CSNK1D: variants seen among roughly 807,000 people sequenced by gnomAD.
The protein encoded by CSNK1D is casein kinase 1 delta.
CSNK1D carries 16 observed loss-of-function variants against 46.6 expected under a neutral mutation model. The observed-to-expected ratio is 0.34, with a 90% CI of 0.23 to 0.52. The LOEUF (loss-of-function observed/expected upper bound fraction) is 0.52, where lower values mean the gene tolerates loss of function less well. Ranked by LOEUF, CSNK1D falls within the 20% of genes least tolerant of loss-of-function variation. CSNK1D has a pLI of 0.95. For synonymous variants in CSNK1D, 276 were observed against 228.2 expected, an observed-to-expected ratio of 1.21 and a Z score of -1.89; for missense variants, 398 against 578.4, an observed-to-expected ratio of 0.69 and a Z score of 3.20.
intron 8 of CSNK1D, chr17:82,246,481 G>A: frequency 9.1e-7 from 1 of 1,100,112 alleles, no homozygotes; most frequent in Non-Finnish European, 1.1e-6. Flanking sequence ...GGAATGACAA[G>A]GCCTTCTTCT....
In CSNK1D at chr17:82,255,717, G is replaced by C; in HGVS notation, c.188-140C>G. 3 of 1,054,368 alleles carry C rather than the reference G, an allele frequency of 2.8e-6. No homozygotes were observed. The South Asian group carries it at 3.9e-5, about 14-fold the overall frequency. The allele number at this position is 1,054,368 out of a possible 1,614,324, so 65.3% of individuals were successfully genotyped here. A position where few individuals can be genotyped will look rare whatever the true frequency, so the allele number is the denominator to read the frequency against. The stretch of plus-strand genomic sequence containing the variant: ...GGTGGAGGTAGAAGACCCCGGCAAC[G>C]CCGCTCCTCAGGGACCCATCCTCGA... On this transcript the variant is annotated intron_variant, in intron 2 of 8. Transcript: ENST00000314028. The surrounding 1 kb of genome is among the most constrained non-coding windows in gnomAD (Gnocchi z 5.9).
rs991086603 is a variant in CSNK1D at position 82,255,695 on chromosome 17, G to A, written c.188-118C>T. The A allele has an allele frequency of 3.1e-6, 4 of 1,303,226 alleles. No individual in the cohort carries two copies. The highest frequency in any genetic ancestry group is 4.4e-6 in the Non-Finnish European group (4 of 907,632). The allele number at this position is 1,303,226 out of a possible 1,614,324, so 80.7% of individuals were successfully genotyped here. The stretch of plus-strand genomic sequence containing the variant: ...CAATCCTGAACGGGGGAGGGGTGGT[G>A]GAGGTAGAAGACCCCGGCAACGCCG... On this transcript the variant is annotated intron_variant, in intron 2 of 8. Coordinates refer to ENST00000314028, the MANE Select transcript of CSNK1D (RefSeq NM_001893.6). The surrounding 1 kb of genome is among the most constrained non-coding windows in gnomAD (Gnocchi z 5.9).
downstream of CSNK1D, among the ~76,000 whole-genome samples, chr17:82,241,989 C>T (rs2050747050): frequency 6.6e-6 from 1 of 151,914 alleles, no homozygotes; most frequent in South Asian, 2.1e-4. Flanking sequence ...CAAAAATATC[C>T]TCCTCTTAGG....
In CSNK1D at chr17:82,252,992, G is replaced by A. The variant is rs1394779339; in HGVS notation, c.565+24C>T. 1 of 1,606,770 alleles carries A rather than the reference G, an allele frequency of 6.2e-7. No individual in the cohort carries two copies. Among genetic ancestry groups the A allele is most frequent in the Non-Finnish European group, 8.5e-7 (1 of 1,173,564 alleles). The stretch of plus-strand genomic sequence containing the variant: ...ACGCGCCCAAAGGCACCCCAGGTCA[G>A]TGACCCCATGCCCAGGGGCTCACCA... On this transcript the variant is annotated intron_variant, in intron 4 of 8. Coordinates refer to ENST00000314028, the MANE Select transcript of CSNK1D (RefSeq NM_001893.6). The surrounding 1 kb of genome is among the most constrained non-coding windows in gnomAD (Gnocchi z 4.6).
chr17:82,249,624 C>T lies in CSNK1D; in HGVS notation c.886-22G>A. The T allele has an allele frequency of 6.4e-7, 1 of 1,556,904 alleles. No homozygotes were observed. On this transcript the variant is annotated intron_variant, in intron 6 of 8. Coordinates refer to ENST00000314028, the MANE Select transcript of CSNK1D (RefSeq NM_001893.6). The surrounding 1 kb of genome is among the most constrained non-coding windows in gnomAD (Gnocchi z 6.7). The stretch of plus-strand genomic sequence containing the variant: ...CACCCTGAGGAGGCAGGAGGTGAGG[C>T]CGGAATGGAACCAGCTTTGGCAGAA...
chr17:82,267,519 G>A (rs189955935), intron 1 of CSNK1D, among the ~76,000 whole-genome samples: 2 of 152,186 alleles, frequency 1.3e-5, no homozygotes, highest in Non-Finnish European at 2.9e-5. Context: ...CCGGGTCACC[G>A]CCAGTGACCA....
chr17:82,262,931 G>A (rs2051377476), intron 2 of CSNK1D, among the ~76,000 whole-genome samples: 1 of 152,244 alleles, frequency 6.6e-6, no homozygotes, highest in Non-Finnish European at 1.5e-5. Context: ...TATAATCCCA[G>A]CACTTTGGGA....
In CSNK1D at chr17:82,265,207, C is replaced by T. The variant is rs567973686; in HGVS notation, c.187+479G>A. On this transcript the variant is annotated intron_variant, in intron 2 of 8. Transcript: ENST00000314028. ...TTTTTTTTTTTGGGGGGGACAGGGT[C>T]TCACTCTGTCGCCCAGGCTGGAGTG... 64 of 212,940 alleles carry T rather than the reference C, an allele frequency of 3.0e-4. No individual in the cohort carries two copies. The Admixed American group carries it at 3.0e-3, about 10-fold the overall frequency. The allele number at this position is 212,940 out of a possible 1,614,324, so 13.2% of individuals were successfully genotyped here.
chr17:82,249,907 T>C lies in CSNK1D; in HGVS notation c.886-305A>G. The C allele has an allele frequency of 1.5e-6, 2 of 1,350,416 alleles. No individual in the cohort carries two copies. Among genetic ancestry groups the C allele is most frequent in the Non-Finnish European group, 1.9e-6 (2 of 1,045,134 alleles). The allele number at this position is 1,350,416 out of a possible 1,614,324, so 83.7% of individuals were successfully genotyped here. A position where few individuals can be genotyped will look rare whatever the true frequency, so the allele number is the denominator to read the frequency against. ...GGGCAGCAGCTACCCCCTGCTGCTCTGTGAACATGCTCACTAACACGTGCA... is the reference window on the plus strand; with the variant it reads ...GGGCAGCAGCTACCCCCTGCTGCTCCGTGAACATGCTCACTAACACGTGCA... On this transcript the variant is annotated intron_variant, in intron 6 of 8. Transcript: ENST00000314028. The surrounding 1 kb of genome is among the most constrained non-coding windows in gnomAD (Gnocchi z 6.7).
At chr17:82,256,015 T>C (rs1170881759) in intron 2 of CSNK1D, among the ~76,000 whole-genome samples, 3 of 152,240 alleles carry the variant, frequency 2.0e-5, no homozygotes, top group Non-Finnish European at 4.4e-5. Context: ...GAAGAAAATA[T>C]GTTCAATTAC....
rs1335141545 is a variant in CSNK1D at position 82,251,245 on chromosome 17, C to T, written c.885+134G>A. ...ACCCACTCAGTCCAGGTCCTGCCCA[C>T]TACACACTTGCCCTTCACAACCAGA... On this transcript the variant is annotated intron_variant, in intron 6 of 8. Transcript: ENST00000314028. The surrounding 1 kb of genome is among the most constrained non-coding windows in gnomAD (Gnocchi z 4.5). The T allele has an allele frequency of 7.9e-5, 86 of 1,083,712 alleles. 2 individuals carry two copies. In the South Asian group the frequency reaches 1.1e-3, roughly 14 times the overall value. The allele number at this position is 1,083,712 out of a possible 1,614,324, so 67.1% of individuals were successfully genotyped here.
chr17:82,249,168 G>GGA lies in CSNK1D; in HGVS notation c.1058-156_1058-155dup. On this transcript the variant is annotated intron_variant, in intron 7 of 8. Transcript: ENST00000314028. This position sits in a 1 kb window ranked among gnomAD's most constrained non-coding sequence, Gnocchi z 6.7. ...TGGCCACCAACACTCAGATCCGGCC[G>GGA]GAGGGACACAAAGGGACATGGGAGC... is the stretch of plus-strand genomic sequence containing the variant. 1 of 989,836 alleles carries GGA rather than the reference G, an allele frequency of 1.0e-6. No homozygotes were observed. Among genetic ancestry groups the GGA allele is most frequent in the South Asian group, 1.6e-5 (1 of 61,428 alleles). The allele number at this position is 989,836 out of a possible 1,614,324, so 61.3% of individuals were successfully genotyped here. A position where few individuals can be genotyped will look rare whatever the true frequency, so the allele number is the denominator to read the frequency against.
At chr17:82,273,712 C>T, upstream of CSNK1D, 2 of 488,890 alleles carry the variant, frequency 4.1e-6, no homozygotes, top group Non-Finnish European at 3.6e-6. The surrounding 1 kb of genome is among the most constrained non-coding windows in gnomAD (Gnocchi z 5.1). Context: ...ACGTCACTTC[C>T]CCTAGCAACC....
In CSNK1D at chr17:82,255,401, G is replaced by A. The variant is rs889207780; in HGVS notation, c.336+28C>T. 2 of 1,613,680 alleles carry A rather than the reference G, an allele frequency of 1.2e-6. No homozygotes were observed. Among genetic ancestry groups the A allele is most frequent in the Non-Finnish European group, 1.7e-6 (2 of 1,179,602 alleles). The stretch of plus-strand genomic sequence containing the variant: ...GCTGATTCTATCAGACAGCAAGTGT[G>A]TGCCAACTGTCAGGAAACAGTCCTT... On this transcript the variant is annotated intron_variant, in intron 3 of 8. Transcript: ENST00000314028. This position sits in a 1 kb window ranked among gnomAD's most constrained non-coding sequence, Gnocchi z 5.9.
intron 1 of CSNK1D, among the ~76,000 whole-genome samples, chr17:82,270,924 G>A (rs1568589256): frequency 2.0e-5 from 3 of 152,304 alleles, no homozygotes; most frequent in Non-Finnish European, 4.4e-5. Context: ...GGCCTGGAGG[G>A]TAGAATGCTG....
At position 82,255,723 on chromosome 17, in the gene CSNK1D, C is replaced by T. The variant is rs2051159134; in HGVS notation, c.188-146G>A. 3.1e-6 allele frequency: 3 copies of T among 963,570 alleles called. No individual in the cohort carries two copies. The highest frequency in any genetic ancestry group is 2.5e-5 in the East Asian group (1 of 40,080). 59.7% of individuals were successfully genotyped at this position (963,570 alleles called of 1,614,324 possible). ...GGTAGAAGACCCCGGCAACGCCGCTCCTCAGGGACCCATCCTCGAGATTAG... is the reference window on the plus strand; with the variant it reads ...GGTAGAAGACCCCGGCAACGCCGCTTCTCAGGGACCCATCCTCGAGATTAG... On this transcript the variant is annotated intron_variant, in intron 2 of 8. Coordinates refer to ENST00000314028, the MANE Select transcript of CSNK1D (RefSeq NM_001893.6). The surrounding 1 kb of genome is among the most constrained non-coding windows in gnomAD (Gnocchi z 5.9).
chr17:82,263,761 C>A (rs1308621972), intron 2 of CSNK1D, among the ~76,000 whole-genome samples: 2 of 152,252 alleles, frequency 1.3e-5, no homozygotes, highest in Non-Finnish European at 2.9e-5. Flanking sequence ...GACCCCAGCA[C>A]CAGGCTCCCG....
At chr17:82,239,101 A>G, downstream of CSNK1D, 1 of 921,130 alleles carries the variant, frequency 1.1e-6, no homozygotes, top group Non-Finnish European at 1.6e-6. Flanking sequence ...GGCCCAGCGG[A>G]TCGTCGCCCG....
At position 82,249,356 on chromosome 17, in the gene CSNK1D, G is replaced by C. The variant is rs2050936304; in HGVS notation, c.1057+75C>G. ...CTTAGTGTCCACCACCAAGTACCCT[G>C]TTGTCCCCACCAACCCCAAGACACA... is the stretch of plus-strand genomic sequence containing the variant. On this transcript the variant is annotated intron_variant, in intron 7 of 8. Transcript: ENST00000314028. The surrounding 1 kb of genome is among the most constrained non-coding windows in gnomAD (Gnocchi z 6.7). The C allele has an allele frequency of 4.2e-6, 6 of 1,416,738 alleles. No homozygotes were observed. The South Asian group carries it at 7.4e-5, about 17-fold the overall frequency. The allele number at this position is 1,416,738 out of a possible 1,614,324, so 87.8% of individuals were successfully genotyped here. A position where few individuals can be genotyped will look rare whatever the true frequency, so the allele number is the denominator to read the frequency against.
Sources: allele counts gnomAD v4.1 joint callset (sites outside exome capture counted in the v4.1 genomes callset), GRCh38; gene constraint gnomAD v4.1.1; non-coding constraint Gnocchi (gnomAD v3.1); transcripts MANE v1.5; gene names NCBI Gene and HGNC (gene_info 2026-07-23, HGNC 2026-07-21).